DNAH3: variants seen among roughly 807,000 people sequenced by gnomAD.
The protein encoded by DNAH3 is axonemal beta dynein heavy chain 3.
Under a neutral mutation model 432.5 loss-of-function variants are expected in DNAH3, and 332 were observed. That is an observed-to-expected ratio of 0.77 (90% CI 0.70 to 0.84). The LOEUF is 0.84. Among genes scored for constraint, DNAH3 ranks in the 40% least tolerant of loss-of-function variants. The pLI is 0.00. For missense variants in DNAH3, 4,861 were observed against 5,114.0 expected (o/e 0.95, Z 1.51); for synonymous variants, 1,956 against 1,900.2 (o/e 1.03, Z -0.76).
exon 62 of DNAH3, chr16:20,933,363 T>C (rs1278098754): frequency 4.3e-6 from 7 of 1,614,106 alleles, no homozygotes; most frequent in Non-Finnish European, 4.2e-6. Context: ...AGCCAAATGA[T>C]GGGCAGTGGG....
chr16:21,098,906 A>C, intron 16 of DNAH3, 137 bp from the exon 17 acceptor site: 3 of 812,980 alleles, frequency 3.7e-6, no homozygotes, highest in East Asian at 2.6e-5. Context: ...AATACTCCCA[A>C]CTCCATCTTT....
chr16:20,952,470 G>A, exon 56 of DNAH3: 1 of 1,613,286 alleles, frequency 6.2e-7, no homozygotes, highest in Non-Finnish European at 8.5e-7. Context: ...GCACCTCCTT[G>A]TAGTCATTGA....
chr16:21,145,354 G>T, exon 3 of DNAH3: 1 of 1,614,182 alleles, frequency 6.2e-7, no homozygotes, highest in African/African-American at 1.3e-5. Context: ...TGCAGCCAAG[G>T]TCCATGACGT....
chr16:21,138,975 G>T (rs1317387056), intron 5 of DNAH3, among the ~76,000 whole-genome samples: 1 of 152,166 alleles, frequency 6.6e-6, no homozygotes, highest in Non-Finnish European at 1.5e-5. Context: ...CTCAAGTGGG[G>T]TCAAGTAGCT....
chr16:21,024,634 T>A (rs1423234232), exon 39 of DNAH3: 3 of 1,612,948 alleles, frequency 1.9e-6, no homozygotes, highest in Non-Finnish European at 8.5e-7. Context: ...GAGGGCAGGG[T>A]GTCCATGTAG....
intron 36 of DNAH3, 53 bp downstream of exon 36, chr16:21,033,920 GC>G: frequency 7.7e-7 from 1 of 1,306,986 alleles, no homozygotes; most frequent in Non-Finnish European, 1.1e-6. Context: ...CATGGAGCCA[GC>G]CAACTGAGCG....
chr16:21,098,231 C>CA (rs1409810309), intron 17 of DNAH3, among the ~76,000 whole-genome samples: 1 of 151,844 alleles, frequency 6.6e-6, no homozygotes, highest in East Asian at 1.9e-4. Flanking sequence ...CACTTGGGGT[C>CA]AGGAGTTCAA....
At chr16:21,157,741 G>A (rs901090473) in intron 1 of DNAH3, among the ~76,000 whole-genome samples, 4 of 151,402 alleles carry the variant, frequency 2.6e-5, no homozygotes, top group African/African-American at 9.7e-5. Context: ...CTGTGCAACA[G>A]CAGACCAATG....
At chr16:20,948,442 C>A in intron 57 of DNAH3, 41 bp downstream of exon 57, 2 of 1,598,666 alleles carry the variant, frequency 1.3e-6, no homozygotes, top group East Asian at 2.2e-5. Context: ...ATGACGGAGC[C>A]CTGTGGGGGA....
At chr16:20,964,082 C>T (rs949918197) in exon 53 of DNAH3, 4 of 1,614,086 alleles carry the variant, frequency 2.5e-6, no homozygotes, top group Non-Finnish European at 3.4e-6. Context: ...TCAGATAGCA[C>T]TTTGGAGGAG....
chr16:20,987,352 TG>T lies in DNAH3; in HGVS notation c.6978del (p.Asn2326LysfsTer3). The T allele has an allele frequency of 6.2e-7, 1 of 1,614,178 alleles. No individual in the cohort carries two copies. The highest frequency in any genetic ancestry group is 8.5e-7 in the Non-Finnish European group (1 of 1,180,030). On this transcript the variant is annotated frameshift_variant, in exon 47 of 62. Coordinates refer to ENST00000261383, the Ensembl canonical transcript of DNAH3. LOFTEE classifies it high-confidence loss of function. ...CAATTGGAGGTGGTTTCCTTCACCA[TG>T]TTGAAAAAGACCTGTCTGTCCTCCT... is the stretch of plus-strand genomic sequence containing the variant.
intron 32 of DNAH3, among the ~76,000 whole-genome samples, chr16:21,041,672 C>T (rs569479136): frequency 3.9e-5 from 6 of 152,160 alleles, no homozygotes; most frequent in East Asian, 1.9e-4. Context: ...TCTTTTCTTT[C>T]GCTTTGTTTT....
At chr16:21,092,204 G>A (rs2091555227) in intron 18 of DNAH3, among the ~76,000 whole-genome samples, 1 of 152,128 alleles carries the variant, frequency 6.6e-6, no homozygotes, top group African/African-American at 2.4e-5. Flanking sequence ...ATACTAGCCA[G>A]CTTCAAGAGT....
intron 49 of DNAH3, among the ~76,000 whole-genome samples, chr16:20,979,924 A>G (rs1357368658): frequency 6.7e-6 from 1 of 150,178 alleles, no homozygotes; most frequent in East Asian, 2.0e-4. Context: ...TAATTTTTCT[A>G]TTTTCAGTAG....
chr16:21,020,391 ATATATATTTTTTTT>A (rs2088128333), intron 40 of DNAH3, among the ~76,000 whole-genome samples: 3 of 28,518 alleles, frequency 1.1e-4, no homozygotes, highest in Non-Finnish European at 1.9e-4. Context: ...ATATATATAT[ATATATATTTTTTTT>A]TTTTTTTTTT....
At chr16:21,013,690 G>A (rs539132954) in intron 41 of DNAH3, among the ~76,000 whole-genome samples, 116 of 133,650 alleles carry the variant, frequency 8.7e-4, no homozygotes, top group African/African-American at 3.0e-3. Context: ...TTGCACTCCA[G>A]CCTGGGCAAC....
chr16:20,942,089 GT>G (rs2083835419), intron 58 of DNAH3, among the ~76,000 whole-genome samples: 1 of 147,546 alleles, frequency 6.8e-6, no homozygotes, highest in Non-Finnish European at 1.5e-5. Context: ...AAAAAAAAGA[GT>G]CGTGTCCTGA....
intron 58 of DNAH3, among the ~76,000 whole-genome samples, chr16:20,942,644 A>G (rs1324183670): frequency 6.6e-6 from 1 of 152,168 alleles, no homozygotes; most frequent in Non-Finnish European, 1.5e-5. Flanking sequence ...TGGGAGAGGA[A>G]GCGGGTGGAG....
At chr16:20,935,468 C>G in exon 61 of DNAH3, 2 of 1,611,412 alleles carry the variant, frequency 1.2e-6, no homozygotes, top group Admixed American at 1.7e-5. Context: ...CCACAGGGGG[C>G]CCCTTGTCAA....
Sources: gnomAD v4.1 joint callset for allele counts (sites outside exome capture counted in the v4.1 genomes callset) on GRCh38, gnomAD v4.1.1 for gene constraint, MANE v1.5 for transcripts, NCBI Gene and HGNC (gene_info 2026-07-23, HGNC 2026-07-21) for gene names.